Variants in PTPRG observed in about 807,000 individuals in gnomAD.
PTPRG encodes protein tyrosine phosphatase receptor type G, also known as receptor-type tyrosine-protein phosphatase gamma.
In PTPRG, 102 loss-of-function variants were observed where a neutral mutation model predicts 165.3. The ratio of observed to expected loss-of-function variants is 0.62; its 90% CI spans 0.53 to 0.73. The LOEUF is 0.73. Among genes scored for constraint, PTPRG ranks in the 30% least tolerant of loss-of-function variants. PTPRG has a pLI of 0.00. For synonymous variants in PTPRG, 675 were observed against 669.5 expected (o/e 1.01, Z -0.13); for missense variants, 1,866 against 1,861.4 (o/e 1.00, Z -0.05).
chr3:62,282,697 G>A (rs779908193), intron 27 of PTPRG, 30 bp from the exon 28 acceptor site: 9 of 1,575,402 alleles, frequency 5.7e-6, no homozygotes, highest in Non-Finnish European at 7.7e-6. Context: ...AATAAAGGAA[G>A]GGATTTGACC....
intron 5 of PTPRG, among the ~76,000 whole-genome samples, chr3:62,080,234 A>AG (rs112814144): frequency 1.5e-5 from 2 of 137,436 alleles, no homozygotes; most frequent in African/African-American, 6.9e-5. Flanking sequence ...ATGCCCAGCT[A>AG]ATTTTTTTTT....
At chr3:61,968,446 C>A (rs1237825862) in intron 2 of PTPRG, among the ~76,000 whole-genome samples, 1 of 152,024 alleles carries the variant, frequency 6.6e-6, no homozygotes, top group African/African-American at 2.4e-5. Context: ...GTTGGATTTT[C>A]TTAGGTTCTT....
Position 62,267,827 on chromosome 3 carries a change from C to T in PTPRG, c.2874+8C>T, listed in dbSNP as rs777575610. 1.2e-6 allele frequency: 2 copies of T among 1,610,888 alleles called. No individual in the cohort carries two copies. The highest frequency in any genetic ancestry group is 2.2e-5 in the East Asian group (1 of 44,826). On this transcript the variant is annotated splice_region_variant and intron_variant, in intron 19 of 29. Transcript: ENST00000474889. ...CTTGTGGAAAAAGGAAGAGTAAGAGCCTTTTGACTCACTATCTTAATAATG... is the reference window on the plus strand; with the variant it reads ...CTTGTGGAAAAAGGAAGAGTAAGAGTCTTTTGACTCACTATCTTAATAATG...
intron 17 of PTPRG, among the ~76,000 whole-genome samples, chr3:62,266,490 A>G (rs1475657114): frequency 6.6e-6 from 1 of 151,998 alleles, no homozygotes; most frequent in African/African-American, 2.4e-5. Context: ...CTTAGGAGAA[A>G]TTTTTCCTTT....
chr3:61,921,117 CTCCTTCCT>C (rs72298352), intron 2 of PTPRG, among the ~76,000 whole-genome samples: 63,761 of 148,466 alleles, frequency 0.43, 13,732 homozygotes, highest in East Asian at 0.56. Context: ...TTCCATCCAT[CTCCTTCCT>C]TCCTTCCTTC....
intron 2 of PTPRG, among the ~76,000 whole-genome samples, chr3:61,938,710 G>A (rs969097987): frequency 6.6e-6 from 1 of 152,254 alleles, no homozygotes; most frequent in East Asian, 1.9e-4. Context: ...AGAGTCTAAT[G>A]CTTACGCTAC....
chr3:62,074,592 G>A (rs1355644046), intron 4 of PTPRG, among the ~76,000 whole-genome samples: 1 of 151,888 alleles, frequency 6.6e-6, no homozygotes, highest in Non-Finnish European at 1.5e-5. Context: ...CCTCCCACTT[G>A]GACCTCCCAT....
intron 4 of PTPRG, among the ~76,000 whole-genome samples, chr3:62,021,858 T>G (rs925243506): frequency 4.4e-4 from 28 of 63,372 alleles, no homozygotes; most frequent in African/African-American, 2.0e-3. Flanking sequence ...TTTCCTTTTC[T>G]TTTTTTTTTT....
chr3:62,058,068 C>T (rs770499245), intron 4 of PTPRG, among the ~76,000 whole-genome samples: 10 of 152,288 alleles, frequency 6.6e-5, no homozygotes, highest in South Asian at 2.1e-4. Context: ...TACCAGAGAC[C>T]TCTTTGAAAA....
intron 1 of PTPRG, among the ~76,000 whole-genome samples, chr3:61,672,743 AGAGGG>A (rs1703063730): frequency 6.6e-5 from 8 of 121,760 alleles, no homozygotes; most frequent in African/African-American, 3.2e-4. Flanking sequence ...GGGGAGAGGG[AGAGGG>A]AGAGGGAGAG....
At chr3:61,832,356 T>G (rs934252210) in intron 2 of PTPRG, among the ~76,000 whole-genome samples, 1 of 152,224 alleles carries the variant, frequency 6.6e-6, no homozygotes, top group Non-Finnish European at 1.5e-5. Flanking sequence ...TTCCCTGGAC[T>G]AAGTCATTTA....
chr3:61,595,851 A>G (rs1244209670), intron 1 of PTPRG, among the ~76,000 whole-genome samples: 1 of 152,220 alleles, frequency 6.6e-6, no homozygotes, highest in African/African-American at 2.4e-5. Flanking sequence ...TGTTTCTCTC[A>G]GTAAACAAAG....
At chr3:61,878,729 C>G (rs2037809369) in intron 2 of PTPRG, among the ~76,000 whole-genome samples, 1 of 152,140 alleles carries the variant, frequency 6.6e-6, no homozygotes, top group Non-Finnish European at 1.5e-5. Context: ...GTCTCGAACT[C>G]CTGGGCTCAA....
At chr3:62,041,788 G>A (rs766884785) in intron 4 of PTPRG, among the ~76,000 whole-genome samples, 1 of 152,054 alleles carries the variant, frequency 6.6e-6, no homozygotes, top group Admixed American at 6.6e-5. Flanking sequence ...TAGTGATGAT[G>A]GTGCAGATAT....
chr3:61,631,813 A>G (rs1701781363), intron 1 of PTPRG, among the ~76,000 whole-genome samples: 1 of 152,092 alleles, frequency 6.6e-6, no homozygotes, highest in African/African-American at 2.4e-5. Context: ...TTTTTTTGTG[A>G]TGTAGGCACT....
intron 1 of PTPRG, among the ~76,000 whole-genome samples, chr3:61,690,816 T>G (rs530183831): frequency 3.9e-5 from 6 of 152,184 alleles, no homozygotes; most frequent in Non-Finnish European, 7.3e-5. Context: ...GAGAGTGATT[T>G]TTTTTTTTCA....
intron 1 of PTPRG, among the ~76,000 whole-genome samples, chr3:61,642,415 T>C (rs1344212707): frequency 6.6e-6 from 1 of 152,188 alleles, no homozygotes; most frequent in African/African-American, 2.4e-5. Context: ...GATTCAGGTT[T>C]GGAGAGCAGC....
At chr3:61,769,666 T>G (rs2034146843) in intron 2 of PTPRG, 1 of 152,126 alleles carries the variant, frequency 6.6e-6, no homozygotes, top group Non-Finnish European at 1.5e-5. Context: ...AGAGCACACA[T>G]GATTGAACTT....
intron 2 of PTPRG, among the ~76,000 whole-genome samples, chr3:61,965,233 A>G (rs1165987273): frequency 7.4e-6 from 1 of 134,244 alleles, no homozygotes; most frequent in East Asian, 2.4e-4. Context: ...AACAAGAGCG[A>G]AACTCTGTCT....
Sources: gnomAD v4.1 joint callset for allele counts (sites outside exome capture counted in the v4.1 genomes callset) on GRCh38, gnomAD v4.1.1 for gene constraint, MANE v1.5 for transcripts, NCBI Gene and HGNC (gene_info 2026-07-23, HGNC 2026-07-21) for gene names.